POGLUT3: variants seen among roughly 807,000 people sequenced by gnomAD.
POGLUT3 encodes protein O-glucosyltransferase 3, also known as KDEL (Lys-Asp-Glu-Leu) containing 2.
Under a neutral mutation model 54.3 loss-of-function variants are expected in POGLUT3, and 48 were observed. The ratio of observed to expected loss-of-function variants is 0.88; its 90% confidence interval spans 0.70 to 1.12. The LOEUF (loss-of-function observed/expected upper bound fraction) is 1.12, where lower values mean the gene tolerates loss of function less well. Among genes scored for constraint, POGLUT3 ranks in the 50% most tolerant of loss-of-function variants. The pLI is 0.00. For synonymous variants in POGLUT3, 218 were observed against 237.4 expected (o/e 0.92, Z 0.75); for missense variants, 629 against 618.7 (o/e 1.02, Z -0.18).
intron 2 of POGLUT3, chr11:108,487,027 C>CT (rs1479137724): frequency 1.3e-5 from 2 of 152,396 alleles, no homozygotes; most frequent in African/African-American, 2.4e-5. Flanking sequence ...TCTCCTCTGT[C>CT]GCCTGCTACC....
At chr11:108,485,636 TTTTATTTA>T (rs34832849) in intron 3 of POGLUT3, among the ~76,000 whole-genome samples, 1,767 of 140,396 alleles carry the variant, frequency 0.013, 32 homozygotes, top group African/African-American at 0.041. Context: ...CTTTATTCTA[TTTTATTTA>T]TTTATTTATT....
At chr11:108,486,711 A>C in intron 2 of POGLUT3, 1 of 389,956 alleles carries the variant, frequency 2.6e-6, no homozygotes, top group Non-Finnish European at 4.6e-6. Context: ...TAAGGTATAA[A>C]TGGCTGGCAA....
Position 108,481,256 on chromosome 11 carries a change from G to A in POGLUT3, c.1022C>T (p.Thr341Ile), listed in dbSNP as rs547590265. Residue 341 changes from threonine (T) to isoleucine (I), a missense_variant, in exon 5 of 8, where the codon ACA becomes ATA. Physicochemically the swap from Thr to Ile is moderately conservative, Grantham distance 89. Coordinates refer to ENST00000323468, the MANE Select transcript of POGLUT3 (RefSeq NM_153705.5). ...ENPQLLDAGI[T>I]GYFFFQEKEK... ...TTTCTCTTGGAAAAAGAAATATCCTGTAATTCCTGCATCTAGTAGCTGAGG... is the reference window on the plus strand; with the variant it reads ...TTTCTCTTGGAAAAAGAAATATCCTATAATTCCTGCATCTAGTAGCTGAGG... 2.5e-5 allele frequency: 41 copies of A among 1,612,718 alleles called. No individual in the cohort carries two copies. Among genetic ancestry groups the A allele is most frequent in the Non-Finnish European group, 3.4e-5 (40 of 1,179,596 alleles).
chr11:108,490,569 A>G (rs1591644824), intron 2 of POGLUT3, among the ~76,000 whole-genome samples: 1 of 152,180 alleles, frequency 6.6e-6, no homozygotes, highest in Non-Finnish European at 1.5e-5. Flanking sequence ...TCTCAAAGTA[A>G]ACAAAAAACA....
intron 5 of POGLUT3, among the ~76,000 whole-genome samples, chr11:108,480,138 G>A (rs1421680272): frequency 2.0e-5 from 3 of 152,160 alleles, no homozygotes; most frequent in African/African-American, 7.2e-5. Context: ...GCCCAGCCAG[G>A]AAAACTATTT....
At chr11:108,475,075 C>T in intron 7 of POGLUT3, 123 bp from the exon 8 acceptor site, 1 of 992,400 alleles carries the variant, frequency 1.0e-6, no homozygotes, top group Non-Finnish European at 1.5e-6. Flanking sequence ...CAGACTAAAA[C>T]CAAAGGTCTG....
chr11:108,479,253 T>C (rs2093587888), intron 6 of POGLUT3, 48 bp downstream of exon 6: 3 of 1,310,724 alleles, frequency 2.3e-6, no homozygotes, highest in Admixed American at 2.2e-5. Flanking sequence ...CATCTAACAC[T>C]GATGAATTTG....
chr11:108,492,890 C>A (rs1436363616), intron 1 of POGLUT3, among the ~76,000 whole-genome samples: 2 of 152,140 alleles, frequency 1.3e-5, no homozygotes, highest in Non-Finnish European at 2.9e-5. Context: ...TGCATTATTT[C>A]CCACATGGTT....
chr11:108,485,730 C>T (rs1425014792), intron 3 of POGLUT3, among the ~76,000 whole-genome samples: 1 of 151,510 alleles, frequency 6.6e-6, no homozygotes, highest in African/African-American at 2.4e-5. Context: ...CAATCTTGGC[C>T]CACTGCAGCC....
intron 1 of POGLUT3, 57 bp downstream of exon 1, chr11:108,498,108 G>A: frequency 7.1e-7 from 1 of 1,414,064 alleles, no homozygotes; most frequent in South Asian, 1.4e-5. Flanking sequence ...CTCCCGGGCG[G>A]CGGGGACGCG....
intron 1 of POGLUT3, among the ~76,000 whole-genome samples, chr11:108,496,873 G>A (rs193087050): frequency 1.9e-4 from 29 of 152,296 alleles, no homozygotes; most frequent in Admixed American, 4.6e-4. Context: ...AGGCTTTTCC[G>A]CTCAGTATCA....
chr11:108,484,786 A>C (rs1192354596), intron 3 of POGLUT3, among the ~76,000 whole-genome samples: 1 of 152,046 alleles, frequency 6.6e-6, no homozygotes, highest in East Asian at 1.9e-4. Flanking sequence ...CAAACAAAAA[A>C]ACTCCCTTTA....
intron 3 of POGLUT3, 38 bp downstream of exon 3, chr11:108,486,119 A>G (rs771802462): frequency 6.9e-7 from 1 of 1,449,678 alleles, no homozygotes; most frequent in Non-Finnish European, 9.6e-7. Context: ...TTATACCTAA[A>G]TAATTAAACT....
chr11:108,483,710 C>A (rs1218403405), intron 3 of POGLUT3, among the ~76,000 whole-genome samples: 1 of 152,142 alleles, frequency 6.6e-6, no homozygotes, highest in Non-Finnish European at 1.5e-5. Flanking sequence ...ACTCTGCCAC[C>A]CAGGCTGGAG....
intron 6 of POGLUT3, among the ~76,000 whole-genome samples, chr11:108,478,474 A>G (rs1297540436): frequency 1.3e-5 from 2 of 152,336 alleles, no homozygotes; most frequent in South Asian, 2.1e-4. Context: ...TAAAAGCTCC[A>G]TGCAAATACG....
chr11:108,491,515 A>G, intron 1 of POGLUT3: 1 of 331,030 alleles, frequency 3.0e-6, no homozygotes, highest in Non-Finnish European at 5.5e-6. Flanking sequence ...GGAGTGTGCC[A>G]CCATGCCCAG....
At chr11:108,479,243 C>T (rs771156062) in intron 6 of POGLUT3, 58 bp downstream of exon 6, 15 of 1,164,644 alleles carry the variant, frequency 1.3e-5, no homozygotes, top group Non-Finnish European at 1.9e-5. Flanking sequence ...TGATGGAACT[C>T]ATCTAACACT....
At chr11:108,494,533 T>C (rs1407250422) in intron 1 of POGLUT3, among the ~76,000 whole-genome samples, 1 of 152,250 alleles carries the variant, frequency 6.6e-6, no homozygotes, top group Non-Finnish European at 1.5e-5. Context: ...GCCTTGGCTC[T>C]GACACATTCA....
In POGLUT3 at chr11:108,479,194, ATT is replaced by A. The variant is rs2093587750; in HGVS notation, c.1293+105_1293+106del. 3 of 749,680 alleles carry A rather than the reference ATT, an allele frequency of 4.0e-6. 1 individual carries two copies. The allele number at this position is 749,680 out of a possible 1,614,324, so 46.4% of individuals were successfully genotyped here. On this transcript the variant is annotated intron_variant, in intron 6 of 7. Coordinates refer to ENST00000323468, the MANE Select transcript of POGLUT3 (RefSeq NM_153705.5). ...GGGAACAGCAATTTCAGAAAATAAT[ATT>A]TCTTTTCATTCCATTATGTCAAATC...
Sources: gnomAD v4.1 joint callset for allele counts (sites outside exome capture counted in the v4.1 genomes callset) on GRCh38, gnomAD v4.1.1 for gene constraint, MANE v1.5 for transcripts, NCBI Gene and HGNC (gene_info 2026-07-23, HGNC 2026-07-21) for gene names.